MVP: variants seen among roughly 807,000 people sequenced by gnomAD.
MVP encodes the protein lung resistance-related protein.
A neutral mutation model predicts 83.5 loss-of-function variants in MVP; 62 were observed. The observed-to-expected ratio is 0.74, with a 90% confidence interval of 0.61 to 0.92. The LOEUF (loss-of-function observed/expected upper bound fraction) is 0.92, where lower values mean the gene tolerates loss of function less well. MVP is among the 40% of genes least tolerant of loss of function. MVP has a pLI of 0.00. For synonymous variants in MVP, 505 were observed against 504.1 expected (o/e 1.00, Z -0.02); for missense variants, 1,000 against 1,203.4 (o/e 0.83, Z 2.50).
intron 1 of MVP, among the ~76,000 whole-genome samples, chr16:29,823,642 A>G (rs1328981307): frequency 6.6e-6 from 1 of 151,830 alleles, no homozygotes; most frequent in Non-Finnish European, 1.5e-5. Flanking sequence ...TCACGAGGTT[A>G]GGAGATCAAG....
At chr16:29,826,713 G>A (rs1426464379) in intron 1 of MVP, among the ~76,000 whole-genome samples, 1 of 150,946 alleles carries the variant, frequency 6.6e-6, no homozygotes, top group Non-Finnish European at 1.5e-5. Context: ...ACAAGGTCAA[G>A]AGATCAAGAC....
At chr16:29,845,537 C>G (rs1285751886) in intron 11 of MVP, among the ~76,000 whole-genome samples, 1 of 152,194 alleles carries the variant, frequency 6.6e-6, no homozygotes, top group Non-Finnish European at 1.5e-5. Flanking sequence ...TTGGGGAACA[C>G]TTTTCTTTCT....
At chr16:29,842,369 G>A (rs551766722) in intron 10 of MVP, among the ~76,000 whole-genome samples, 13 of 152,124 alleles carry the variant, frequency 8.5e-5, no homozygotes, top group Middle Eastern at 3.4e-3. Context: ...GCAATGGCGC[G>A]ATCTTGGCTC....
rs1314397196 is a variant in MVP at position 29,844,824 on chromosome 16, C to T, written c.1966C>T (p.Arg656Cys). ...TCAGAGGACCCGGGACGCCCTGCAA[C>T]GCAGCGTCCAGCTGGCCATCGAGAT... ...VDQRTRDALQ[R>C]SVQLAIEITT... The change falls in exon 11 of 15, where the codon CGC becomes TGC. Residue 656 changes from arginine to cysteine, a missense_variant. Coordinates refer to ENST00000357402, the MANE Select transcript of MVP (RefSeq NM_005115.5). 1.9e-6 allele frequency: 3 copies of T among 1,607,560 alleles called. No individual in the cohort carries two copies. Among genetic ancestry groups the T allele is most frequent in the African/African-American group, 2.7e-5 (2 of 75,002 alleles).
chr16:29,838,316 A>T (rs1165220528), intron 7 of MVP, among the ~76,000 whole-genome samples: 1 of 152,070 alleles, frequency 6.6e-6, no homozygotes, highest in South Asian at 2.1e-4. Flanking sequence ...GGCACCTGTA[A>T]TCCCAGCTTC....
chr16:29,838,883 G>A (rs934685505), intron 7 of MVP, among the ~76,000 whole-genome samples: 3 of 152,116 alleles, frequency 2.0e-5, no homozygotes, highest in African/African-American at 4.8e-5. Context: ...AATTGAAAAT[G>A]TTATGCTAAG....
At chr16:29,828,937 GC>G (rs1192203285) in intron 1 of MVP, among the ~76,000 whole-genome samples, 8 of 152,110 alleles carry the variant, frequency 5.3e-5, no homozygotes, top group African/African-American at 1.9e-4. Flanking sequence ...CTCCTCTTGG[GC>G]TGTATCCAGC....
chr16:29,847,524 C>T (rs918691347), intron 14 of MVP, 139 bp downstream of exon 14: 6 of 900,486 alleles, frequency 6.7e-6, no homozygotes, highest in East Asian at 2.6e-5. Flanking sequence ...CAGGGACATT[C>T]ACACAGTGTC....
intron 1 of MVP, among the ~76,000 whole-genome samples, chr16:29,829,456 A>AG (rs2067426027): frequency 7.5e-6 from 1 of 134,216 alleles, no homozygotes; most frequent in Admixed American, 7.1e-5. Flanking sequence ...CTCCGTCTCA[A>AG]AAAAAAAAAA....
intron 3 of MVP, chr16:29,833,489 TTTA>T: frequency 1.1e-5 from 3 of 261,272 alleles, no homozygotes; most frequent in South Asian, 6.6e-5. Context: ...TTTTTTTTTT[TTTA>T]GAGATGGGAT....
intron 7 of MVP, 29 bp from the exon 8 acceptor site, chr16:29,840,149 C>T (rs2067521791): frequency 6.4e-7 from 1 of 1,572,246 alleles, no homozygotes. Context: ...CCTAAAGGCA[C>T]TGACCCTAAC....
intron 10 of MVP, 94 bp downstream of exon 10, chr16:29,842,206 G>A: frequency 7.7e-7 from 1 of 1,301,392 alleles, no homozygotes; most frequent in Non-Finnish European, 1.1e-6. Flanking sequence ...AGGAGGTCCA[G>A]GCTGCAGTGA....
chr16:29,837,126 C>T (rs1455363073), intron 7 of MVP, among the ~76,000 whole-genome samples, 168 bp downstream of exon 7: 1 of 152,216 alleles, frequency 6.6e-6, no homozygotes, highest in Non-Finnish European at 1.5e-5. Context: ...TGATTCCTGG[C>T]AGCCTCTGAC....
chr16:29,836,592 A>C, intron 6 of MVP, 130 bp from the exon 7 acceptor site: 3 of 775,038 alleles, frequency 3.9e-6, no homozygotes, highest in South Asian at 2.0e-5. Context: ...AAAAAAAAAA[A>C]CAATCCCTGG....
At chr16:29,840,491 A>G (rs1293301252) in intron 8 of MVP, 32 bp downstream of exon 8, 1 of 1,543,034 alleles carries the variant, frequency 6.5e-7, no homozygotes, top group South Asian at 1.2e-5. Flanking sequence ...CAGTGCTGCC[A>G]CGTGGCCTTG....
chr16:29,833,645 G>A, intron 3 of MVP, 88 bp from the exon 4 acceptor site: 4 of 1,561,210 alleles, frequency 2.6e-6, no homozygotes, highest in Non-Finnish European at 3.5e-6. Context: ...TACAGAGATG[G>A]ATGTTGTGGA....
At chr16:29,827,592 T>C (rs1024027046) in intron 1 of MVP, among the ~76,000 whole-genome samples, 3 of 152,186 alleles carry the variant, frequency 2.0e-5, no homozygotes, top group Non-Finnish European at 2.9e-5. Flanking sequence ...CTGTCCAGTA[T>C]GGGATCAACC....
chr16:29,834,303 C>T (rs2150754423), intron 5 of MVP: 1 of 490,186 alleles, frequency 2.0e-6, no homozygotes, highest in South Asian at 2.0e-5. Flanking sequence ...CCTTCCCTCA[C>T]CTTCACCATG....
intron 6 of MVP, 27 bp downstream of exon 6, chr16:29,835,825 A>G (rs1293604658): frequency 1.9e-6 from 3 of 1,602,710 alleles, no homozygotes; most frequent in Non-Finnish European, 1.7e-6. Context: ...CTGTGGTTTA[A>G]GGGACCTGGG....
Sources: allele counts gnomAD v4.1 joint callset (sites outside exome capture counted in the v4.1 genomes callset), GRCh38; gene constraint gnomAD v4.1.1; transcripts MANE v1.5; gene names NCBI Gene and HGNC (gene_info 2026-07-23, HGNC 2026-07-21).